The following TGFBR2 variants were observed in gnomAD, a reference collection of about 807,000 sequenced individuals.
The protein encoded by TGFBR2 is TGF-beta receptor type-2.
TGFBR2 carries 18 observed loss-of-function variants against 49.0 expected under a neutral mutation model. The observed-to-expected ratio is 0.37, with a 90% confidence interval of 0.25 to 0.54. The LOEUF is 0.54. Among genes scored for constraint, TGFBR2 ranks in the 20% least tolerant of loss-of-function variants. TGFBR2 has a pLI of 0.85. For missense variants in TGFBR2, 525 were observed against 722.6 expected (o/e 0.73, Z 3.13); for synonymous variants, 282 against 275.9 (o/e 1.02, Z -0.22).
chr3:30,684,642 T>A (rs1355672814), intron 5 of TGFBR2, among the ~76,000 whole-genome samples: 2 of 152,180 alleles, frequency 1.3e-5, no homozygotes, highest in African/African-American at 4.8e-5. Flanking sequence ...CCTTTCAGAC[T>A]ACCCGTGACC....
chr3:30,669,669 G>A (rs574119463), intron 3 of TGFBR2, among the ~76,000 whole-genome samples: 18 of 152,298 alleles, frequency 1.2e-4, no homozygotes, highest in Non-Finnish European at 2.2e-4. Context: ...TTGTACACAT[G>A]GCTGACAAAG....
rs1392953347 is a variant in TGFBR2, at chr3:30,694,013, A to G, written c.*2414A>G. Reference sequence around the variant, plus strand: ...AATGCTATATACTCTTTTTATATCAAAAGTCTCAAGCACTTATTTTTATTC... The same window carrying G: ...AATGCTATATACTCTTTTTATATCAGAAGTCTCAAGCACTTATTTTTATTC... On this transcript the variant is annotated 3_prime_UTR_variant, in exon 7 of 7. Coordinates refer to ENST00000295754, the MANE Select transcript of TGFBR2 (RefSeq NM_003242.6). 1 of 230,228 alleles carries G rather than the reference A, an allele frequency of 4.3e-6. No individual in the cohort carries two copies. The highest frequency in any genetic ancestry group is 8.6e-6 in the Non-Finnish European group (1 of 115,982). 14.3% of individuals were successfully genotyped at this position (230,228 alleles called of 1,614,324 possible).
chr3:30,618,550 C>A (rs1162412383), intron 1 of TGFBR2, among the ~76,000 whole-genome samples: 1 of 152,136 alleles, frequency 6.6e-6, no homozygotes, highest in African/African-American at 2.4e-5. Context: ...GGACCCATTT[C>A]TATATCGAAC....
In TGFBR2 at chr3:30,691,641, C is replaced by A; in HGVS notation, c.*42C>A. On this transcript the variant is annotated 3_prime_UTR_variant, in exon 7 of 7. Transcript: ENST00000295754. ...TGGGCCATGTCCAAAGAGGCTGCCC[C>A]TCTCACCAAAGAACAGAGGCAGCAG... The A allele has an allele frequency of 6.2e-7, 1 of 1,612,474 alleles. No homozygotes were observed. Among genetic ancestry groups the A allele is most frequent in the South Asian group, 1.1e-5 (1 of 90,948 alleles).
intron 1 of TGFBR2, among the ~76,000 whole-genome samples, chr3:30,641,139 G>A (rs141835215): frequency 2.7e-4 from 41 of 152,202 alleles, no homozygotes; most frequent in Middle Eastern, 3.4e-3. Context: ...TCCGGGGTTG[G>A]CTTGGGATGC....
intron 1 of TGFBR2, among the ~76,000 whole-genome samples, chr3:30,644,522 C>G (rs918595778): frequency 1.3e-5 from 2 of 152,262 alleles, no homozygotes; most frequent in African/African-American, 4.8e-5. Context: ...AATGGCTACT[C>G]AACCACCCCA....
chr3:30,689,046 C>T (rs998693254), intron 6 of TGFBR2, among the ~76,000 whole-genome samples: 31 of 152,032 alleles, frequency 2.0e-4, no homozygotes, highest in Admixed American at 1.2e-3. Flanking sequence ...AAGAGGAGAC[C>T]GACTCCTCAC....
intron 5 of TGFBR2, among the ~76,000 whole-genome samples, chr3:30,683,720 A>G (rs867093319): frequency 3.3e-5 from 5 of 152,240 alleles, no homozygotes; most frequent in East Asian, 3.9e-4. Flanking sequence ...TTTGGACCCA[A>G]AGATTTTGCC....
At chr3:30,666,836 C>G (rs1162900538) in intron 3 of TGFBR2, among the ~76,000 whole-genome samples, 1 of 151,032 alleles carries the variant, frequency 6.6e-6, no homozygotes, top group Non-Finnish European at 1.5e-5. Flanking sequence ...TGTGTAGAGA[C>G]AGTCTCACTA....
chr3:30,673,085 A>G (rs940979370), intron 4 of TGFBR2, among the ~76,000 whole-genome samples: 1 of 152,232 alleles, frequency 6.6e-6, no homozygotes, highest in Non-Finnish European at 1.5e-5. Context: ...AGTGGAGTCC[A>G]TGGAGAGCAG....
At chr3:30,631,322 G>A (rs1181898463) in intron 1 of TGFBR2, among the ~76,000 whole-genome samples, 1 of 152,150 alleles carries the variant, frequency 6.6e-6, no homozygotes, top group African/African-American at 2.4e-5. Context: ...TTACAGGCGT[G>A]AGCCACCGTG....
chr3:30,691,712 C>T lies in TGFBR2; in HGVS notation c.*113C>T, dbSNP rs1699713919. On this transcript the variant is annotated 3_prime_UTR_variant, in exon 7 of 7. Coordinates refer to ENST00000295754, the MANE Select transcript of TGFBR2 (RefSeq NM_003242.6). Reference sequence around the variant, plus strand: ...GCTTCCTGGAAAACCAAGGGGGTCACTCCCCTCCCTGTAAGCTGTGGGGAT... The same window carrying T: ...GCTTCCTGGAAAACCAAGGGGGTCATTCCCCTCCCTGTAAGCTGTGGGGAT... 8.4e-7 allele frequency: 1 copy of T among 1,193,522 alleles called. No individual in the cohort carries two copies. Among genetic ancestry groups the T allele is most frequent in the Non-Finnish European group, 1.2e-6 (1 of 807,722 alleles). The allele number at this position is 1,193,522 out of a possible 1,614,324, so 73.9% of individuals were successfully genotyped here. A position where few individuals can be genotyped will look rare whatever the true frequency, so the allele number is the denominator to read the frequency against.
At chr3:30,643,152 G>A (rs1050049216) in intron 1 of TGFBR2, among the ~76,000 whole-genome samples, 2 of 152,242 alleles carry the variant, frequency 1.3e-5, no homozygotes, top group Non-Finnish European at 2.9e-5. Flanking sequence ...GAGAGTGACT[G>A]TGGAAAGGCA....
chr3:30,674,002 A>T (rs1430211547), intron 4 of TGFBR2, 103 bp from the exon 5 acceptor site: 1 of 1,418,292 alleles, frequency 7.1e-7, no homozygotes, highest in African/African-American at 1.4e-5. Flanking sequence ...TGATTTTTTA[A>T]AAAAATCCTC....
chr3:30,675,186 A>C (rs971218214), intron 5 of TGFBR2, among the ~76,000 whole-genome samples: 3 of 152,124 alleles, frequency 2.0e-5, no homozygotes, highest in African/African-American at 7.2e-5. Flanking sequence ...AAAGCAATAG[A>C]ATTCTGGCAT....
chr3:30,616,427 T>C (rs115570265), intron 1 of TGFBR2, among the ~76,000 whole-genome samples: 1,918 of 152,328 alleles, frequency 0.013, 18 homozygotes, highest in Middle Eastern at 0.048. Context: ...AACCTAGCTC[T>C]GACCCTTAGT....
intron 3 of TGFBR2, chr3:30,661,445 A>C (rs1699127005): frequency 5.1e-6 from 2 of 394,404 alleles, no homozygotes; most frequent in Non-Finnish European, 1.0e-5. Flanking sequence ...AAAGGGTGAA[A>C]AGCACAGTGG....
At position 30,672,492 on chromosome 3, in the gene TGFBR2, C is replaced by T. The variant is rs956695120; in HGVS notation, c.1254+55C>T. The T allele has an allele frequency of 1.3e-4, 205 of 1,570,370 alleles. 1 individual carries two copies. Among genetic ancestry groups the T allele is most frequent in the Non-Finnish European group, 1.7e-4 (193 of 1,140,714 alleles). On this transcript the variant is annotated intron_variant, in intron 4 of 6. Transcript: ENST00000295754. The surrounding 1 kb of genome is among the most constrained non-coding windows in gnomAD (Gnocchi z 4.5). Reference sequence around the variant, plus strand: ...TACCTTGAGCCTGGCCTCACCCTACCTCTTGATCCATATCTCCTGGCTCTT... The same window carrying T: ...TACCTTGAGCCTGGCCTCACCCTACTTCTTGATCCATATCTCCTGGCTCTT...
chr3:30,665,721 A>T (rs2125427232), intron 3 of TGFBR2, among the ~76,000 whole-genome samples: 1 of 152,282 alleles, frequency 6.6e-6, no homozygotes, highest in African/African-American at 2.4e-5. Flanking sequence ...TGGAAAAGAG[A>T]CTAGAGCCCA....
Sources: allele counts gnomAD v4.1 joint callset (sites outside exome capture counted in the v4.1 genomes callset), GRCh38; gene constraint gnomAD v4.1.1; non-coding constraint Gnocchi (gnomAD v3.1); transcripts MANE v1.5; gene names NCBI Gene and HGNC (gene_info 2026-07-23, HGNC 2026-07-21).